The following ZNF577 variants were observed in gnomAD, a reference collection of about 807,000 sequenced individuals.
ZNF577 encodes zinc finger protein 577.
A neutral mutation model predicts 13.9 loss-of-function variants in ZNF577; 14 were observed. The ratio of observed to expected loss-of-function variants is 1.00; its 90% confidence interval spans 0.66 to 1.57. The LOEUF is 1.57. Among genes scored for constraint, ZNF577 ranks in the 40% most tolerant of loss-of-function variants. The pLI is 0.00. For missense variants in ZNF577, 555 were observed against 579.2 expected (o/e 0.96, Z 0.43); for synonymous variants, 203 against 202.9 (o/e 1.00, Z 0.00).
At chr19:51,807,878 C>T (rs886144654) in intron 10 of ZNF577, among the ~76,000 whole-genome samples, 2 of 152,176 alleles carry the variant, frequency 1.3e-5, no homozygotes, top group African/African-American at 2.4e-5. Context: ...TATGCCTGCC[C>T]ATAGTCACAA....
At chr19:51,832,289 T>G (rs1436856287) in intron 9 of ZNF577, among the ~76,000 whole-genome samples, 1 of 152,182 alleles carries the variant, frequency 6.6e-6, no homozygotes, top group African/African-American at 2.4e-5. Flanking sequence ...AGCAATGTGA[T>G]GATCTGCTCT....
At chr19:51,823,067 T>C (rs1054057403) in intron 9 of ZNF577, among the ~76,000 whole-genome samples, 2 of 152,142 alleles carry the variant, frequency 1.3e-5, no homozygotes, top group Non-Finnish European at 2.9e-5. Flanking sequence ...TTCACCATGT[T>C]GGCCAGGCCA....
At chr19:51,827,309 C>T (rs931204764) in intron 9 of ZNF577, among the ~76,000 whole-genome samples, 2 of 152,132 alleles carry the variant, frequency 1.3e-5, no homozygotes, top group East Asian at 1.9e-4. Context: ...GAGTCAGCCA[C>T]GTTAGATTTC....
chr19:51,824,916 C>T lies in ZNF577; in HGVS notation c.*600-13242G>A. On this transcript the variant is annotated intron_variant and NMD_transcript_variant, in intron 9 of 10. Coordinates refer to the ZNF577 transcript ENST00000638827. The surrounding 1 kb of genome is among the most constrained non-coding windows in gnomAD (Gnocchi z 4.7). ...TCTTTCATACCACCACCACCACAAT[C>T]ATCAACATAAAGGAAGTCTGTACCA... 5.7e-6 allele frequency: 5 copies of T among 877,974 alleles called. No individual in the cohort carries two copies. The highest frequency in any genetic ancestry group is 5.4e-5 in the South Asian group (3 of 55,660). The allele number at this position is 877,974 out of a possible 1,614,324, so 54.4% of individuals were successfully genotyped here. A position where few individuals can be genotyped will look rare whatever the true frequency, so the allele number is the denominator to read the frequency against.
intron 9 of ZNF577, among the ~76,000 whole-genome samples, chr19:51,823,397 A>T (rs2084205137): frequency 6.6e-6 from 1 of 151,954 alleles, no homozygotes; most frequent in African/African-American, 2.4e-5. Context: ...GAACCTTCTG[A>T]CTCTGAGTCT....
At chr19:51,832,123 G>A (rs112090379) in intron 9 of ZNF577, among the ~76,000 whole-genome samples, 15 of 152,072 alleles carry the variant, frequency 9.9e-5, no homozygotes, top group African/African-American at 2.2e-4. Flanking sequence ...AGCCTTTGAC[G>A]CCTCTGTTTT....
intron 5 of ZNF577, among the ~76,000 whole-genome samples, chr19:51,847,750 C>T (rs1234966519): frequency 1.3e-5 from 2 of 152,160 alleles, no homozygotes. Context: ...TCACGGAATT[C>T]CCACAGCGCT....
At position 51,824,305 on chromosome 19, in the gene ZNF577, C is replaced by T; in HGVS notation, c.*600-12631G>A. On this transcript the variant is annotated intron_variant and NMD_transcript_variant, in intron 9 of 10. Transcript: ENST00000638827. This position sits in a 1 kb window ranked among gnomAD's most constrained non-coding sequence, Gnocchi z 4.7. ...TTCAACTTTGCATTCTGGGGTGACACTGCTGTAGAGAGGTTGAACGTGTTC... is the reference window on the plus strand; with the variant it reads ...TTCAACTTTGCATTCTGGGGTGACATTGCTGTAGAGAGGTTGAACGTGTTC... The T allele has an allele frequency of 6.2e-7, 1 of 1,614,152 alleles. No individual in the cohort carries two copies. Among genetic ancestry groups the T allele is most frequent in the Non-Finnish European group, 8.5e-7 (1 of 1,180,010 alleles).
At chr19:51,811,743 TA>T (rs2084098205) in intron 9 of ZNF577, 1 of 152,144 alleles carries the variant, frequency 6.6e-6, no homozygotes, top group Admixed American at 6.5e-5. Flanking sequence ...AAGAAGGAGT[TA>T]GGGGGCACCT....
At chr19:51,812,963 A>C (rs2084107747) in intron 9 of ZNF577, among the ~76,000 whole-genome samples, 1 of 152,066 alleles carries the variant, frequency 6.6e-6, no homozygotes. Context: ...TCTACCCAAA[A>C]ATACAAAAAT....
intron 9 of ZNF577, among the ~76,000 whole-genome samples, chr19:51,820,134 T>C (rs1361132451): frequency 6.6e-6 from 1 of 152,152 alleles, no homozygotes; most frequent in East Asian, 1.9e-4. Context: ...TAGAGGAAGT[T>C]GGTTAGTTTG....
chr19:51,804,836 G>T (rs894020725), exon 11 of ZNF577: 24 of 152,128 alleles, frequency 1.6e-4, no homozygotes, highest in African/African-American at 5.8e-4. Flanking sequence ...GGGTCCGGGG[G>T]CACCTTGCCT....
In ZNF577 at chr19:51,867,463, T is replaced by C. The variant is rs907254404; in HGVS notation, c.*5069A>G. Among the ~76,000 whole-genome samples, 4 of 151,952 alleles carry C rather than the reference T, an allele frequency of 2.6e-5. No homozygotes were observed. Among genetic ancestry groups the C allele is most frequent in the African/African-American group, 9.7e-5 (4 of 41,368 alleles). ...CAATTACTCAATTTCCCTCCCTTAA[T>C]GAAGGACAACTTTTTAAAAACACAA... On this transcript the variant is annotated 3_prime_UTR_variant, in exon 6 of 6. Coordinates refer to ENST00000638348, the MANE Select transcript of ZNF577 (RefSeq NM_001370449.1).
chr19:51,860,242 C>T (rs1255299962), intron 5 of ZNF577: 1 of 152,170 alleles, frequency 6.6e-6, no homozygotes, highest in Non-Finnish European at 1.5e-5. Context: ...ATCACTGATG[C>T]TTTTACCACT....
At chr19:51,833,692 C>A (rs1205862783) in intron 9 of ZNF577, among the ~76,000 whole-genome samples, 1 of 152,098 alleles carries the variant, frequency 6.6e-6, no homozygotes, top group Non-Finnish European at 1.5e-5. Flanking sequence ...GAGGAAGGGG[C>A]AGGTCAGGGA....
intron 9 of ZNF577, among the ~76,000 whole-genome samples, chr19:51,813,117 T>TC (rs2084108882): frequency 1.5e-5 from 2 of 132,782 alleles, no homozygotes; most frequent in African/African-American, 6.0e-5. Context: ...ATGCTCTGTC[T>TC]CAACACACAC....
chr19:51,886,723 G>C (rs2084952477), intron 1 of ZNF577, 98 bp downstream of exon 1: 1 of 152,156 alleles, frequency 6.6e-6, no homozygotes, highest in African/African-American at 2.4e-5. Flanking sequence ...CATACTTAAA[G>C]AACATTTGCT....
At chr19:51,818,303 T>G (rs184056919) in intron 9 of ZNF577, among the ~76,000 whole-genome samples, 83 of 152,324 alleles carry the variant, frequency 5.4e-4, no homozygotes, top group African/African-American at 1.8e-3. Flanking sequence ...AAATATATTA[T>G]TGGTGTTAAT....
intron 9 of ZNF577, among the ~76,000 whole-genome samples, chr19:51,820,581 A>C (rs1161367738): frequency 1.3e-5 from 2 of 152,214 alleles, no homozygotes; most frequent in African/African-American, 2.4e-5. Flanking sequence ...GAATGTGTCA[A>C]CATTTCCAAA....
Sources: allele counts gnomAD v4.1 joint callset (sites outside exome capture counted in the v4.1 genomes callset), GRCh38; gene constraint gnomAD v4.1.1; non-coding constraint Gnocchi (gnomAD v3.1); transcripts MANE v1.5; gene names NCBI Gene and HGNC (gene_info 2026-07-23, HGNC 2026-07-21).